CDC73: variants seen among roughly 807,000 people sequenced by gnomAD.
CDC73 encodes parafibromin.
In CDC73, 21 loss-of-function variants were observed where a neutral mutation model predicts 83.7. The ratio of observed to expected loss-of-function variants is 0.25; its 90% confidence interval spans 0.18 to 0.36. CDC73 has a LOEUF of 0.36. Ranked by LOEUF, CDC73 falls within the 10% of genes least tolerant of loss-of-function variation. CDC73 has a pLI of 1.00. For missense variants in CDC73, 342 were observed against 653.3 expected, an observed-to-expected ratio of 0.52 and a Z score of 5.19; for synonymous variants, 224 against 212.9, an observed-to-expected ratio of 1.05 and a Z score of -0.45.
intron 1 of CDC73, among the ~76,000 whole-genome samples, chr1:193,123,353 G>C (rs1288135349): frequency 1.3e-5 from 2 of 152,104 alleles, no homozygotes; most frequent in Admixed American, 1.3e-4. Flanking sequence ...TCAGCCTCCT[G>C]AGTAGCTGAG....
At chr1:193,237,575 C>T (rs1413124752) in intron 15 of CDC73, among the ~76,000 whole-genome samples, 2 of 152,040 alleles carry the variant, frequency 1.3e-5, no homozygotes, top group Non-Finnish European at 2.9e-5. Flanking sequence ...GGCCTTTAAT[C>T]AACTGCAGGA....
At chr1:193,141,507 C>G in intron 6 of CDC73, among the ~76,000 whole-genome samples, 1 of 152,164 alleles carries the variant, frequency 6.6e-6, no homozygotes, top group South Asian at 2.1e-4. Flanking sequence ...AAAGTGGCAT[C>G]TGTGTGTGTG....
At chr1:193,236,915 G>A (rs576129606) in intron 15 of CDC73, 1 of 150,910 alleles carries the variant, frequency 6.6e-6, no homozygotes, top group Admixed American at 6.6e-5. Context: ...ACTGTTGCAT[G>A]TCCATAGATT....
intron 10 of CDC73, among the ~76,000 whole-genome samples, chr1:193,198,246 G>A (rs1677035118): frequency 1.3e-5 from 2 of 152,298 alleles, no homozygotes; most frequent in South Asian, 4.1e-4. Context: ...ATAATGAGGT[G>A]TTATGGTCTG....
At chr1:193,184,655 A>G (rs1343047884) in intron 10 of CDC73, among the ~76,000 whole-genome samples, 1 of 151,864 alleles carries the variant, frequency 6.6e-6, no homozygotes, top group East Asian at 1.9e-4. Flanking sequence ...TTGTTTTGAG[A>G]TGTATAGCTT....
chr1:193,192,726 G>A (rs1676939670), intron 10 of CDC73, among the ~76,000 whole-genome samples: 1 of 152,222 alleles, frequency 6.6e-6, no homozygotes, highest in South Asian at 2.1e-4. Flanking sequence ...AGAAGGAGTT[G>A]TGGCAGCCAC....
intron 2 of CDC73, among the ~76,000 whole-genome samples, chr1:193,129,156 C>T (rs1434308737): frequency 6.6e-6 from 1 of 151,958 alleles, no homozygotes; most frequent in Non-Finnish European, 1.5e-5. Context: ...TGTCACCGCG[C>T]CTAGCTAATT....
At chr1:193,189,577 T>G (rs1440160724) in intron 10 of CDC73, among the ~76,000 whole-genome samples, 1 of 152,228 alleles carries the variant, frequency 6.6e-6, no homozygotes, top group East Asian at 1.9e-4. Context: ...CATAAGTCTA[T>G]TTTTAATCCT....
rs200382043 is a variant in CDC73, at chr1:193,122,192, G to C, written c.-9G>C. On this transcript the variant is annotated 5_prime_UTR_variant, in exon 1 of 17. Coordinates refer to ENST00000367435, the MANE Select transcript of CDC73 (RefSeq NM_024529.5). ...GCGCCCCGAGCCGGCGGAGGCGAGG[G>C]GGGGGAAGATGGCGGACGTGCTTAG... 68 of 1,613,110 alleles carry C rather than the reference G, an allele frequency of 4.2e-5. No homozygotes were observed. Among genetic ancestry groups the C allele is most frequent in the Non-Finnish European group, 5.3e-5 (63 of 1,179,230 alleles).
intron 2 of CDC73, among the ~76,000 whole-genome samples, chr1:193,129,422 G>A (rs939079955): frequency 2.0e-5 from 3 of 151,880 alleles, no homozygotes; most frequent in African/African-American, 7.3e-5. Flanking sequence ...GTGGGCCACT[G>A]TGCCTGGTCA....
At chr1:193,204,416 A>T (rs1677151248) in intron 11 of CDC73, among the ~76,000 whole-genome samples, 3 of 151,182 alleles carry the variant, frequency 2.0e-5, no homozygotes, top group Admixed American at 2.0e-4. Context: ...CAGCCTCCCA[A>T]GTAGCTGGGA....
In CDC73 at chr1:193,124,454, A is replaced by G. The variant is rs904502460; in HGVS notation, c.132-658A>G. 5.3e-5 allele frequency among the ~76,000 whole-genome samples: 8 copies of G among 152,334 alleles called. 1 individual carries two copies. The highest frequency in any genetic ancestry group is 7.2e-5 in the African/African-American group (3 of 41,586). ...GGTTTAGGGCTGATTATAGTGGACC[A>G]TATTCAGATGGATTCAAAGATATAG... On this transcript the variant is annotated intron_variant, in intron 1 of 16. Coordinates refer to ENST00000367435, the MANE Select transcript of CDC73 (RefSeq NM_024529.5).
At chr1:193,147,299 G>T (rs966748513) in intron 7 of CDC73, among the ~76,000 whole-genome samples, 6 of 151,764 alleles carry the variant, frequency 4.0e-5, no homozygotes, top group African/African-American at 1.5e-4. Flanking sequence ...GCCTTATTTA[G>T]ATTTTAACTT....
At chr1:193,131,804 C>T (rs1271323936) in intron 3 of CDC73, among the ~76,000 whole-genome samples, 1 of 152,158 alleles carries the variant, frequency 6.6e-6, no homozygotes, top group Non-Finnish European at 1.5e-5. Context: ...AATGTTGTTC[C>T]ATCAGAGAAG....
At chr1:193,208,823 C>T (rs921578871) in intron 11 of CDC73, among the ~76,000 whole-genome samples, 2 of 152,138 alleles carry the variant, frequency 1.3e-5, no homozygotes, top group Admixed American at 6.5e-5. Context: ...CAGTTTCTTC[C>T]CGCCTATGGT....
intron 1 of CDC73, chr1:193,122,640 C>G (rs1675476794): frequency 2.9e-6 from 1 of 339,216 alleles, no homozygotes; most frequent in South Asian, 3.0e-5. Flanking sequence ...GACTGGTGCG[C>G]AAGGGATACC....
intron 16 of CDC73, 85 bp downstream of exon 16, chr1:193,249,956 A>G (rs1020023872): frequency 2.4e-6 from 3 of 1,264,486 alleles, no homozygotes; most frequent in African/African-American, 2.9e-5. Context: ...TAGAGTTGTC[A>G]GTCTTATTCC....
At chr1:193,147,650 T>C (rs900511469) in intron 7 of CDC73, among the ~76,000 whole-genome samples, 22 of 152,130 alleles carry the variant, frequency 1.4e-4, no homozygotes, top group African/African-American at 4.6e-4. Context: ...TTAAGTAAAA[T>C]GAAAATGATG....
intron 14 of CDC73, among the ~76,000 whole-genome samples, chr1:193,234,913 T>TA (rs1677731741): frequency 6.6e-6 from 1 of 151,626 alleles, no homozygotes; most frequent in South Asian, 2.1e-4. Flanking sequence ...TTTAATTTTT[T>TA]ATTTTATTAT....
Sources: allele counts gnomAD v4.1 joint callset (sites outside exome capture counted in the v4.1 genomes callset), GRCh38; gene constraint gnomAD v4.1.1; transcripts MANE v1.5; gene names NCBI Gene and HGNC (gene_info 2026-07-23, HGNC 2026-07-21).